GUCY2C: variants seen among roughly 807,000 people sequenced by gnomAD.
GUCY2C encodes the protein guanylate cyclase 2C.
Under a neutral mutation model 131.1 loss-of-function variants are expected in GUCY2C, and 118 were observed. The ratio of observed to expected loss-of-function variants is 0.90; its 90% CI spans 0.78 to 1.05. GUCY2C has a LOEUF of 1.05. GUCY2C is among the 50% of genes least tolerant of loss of function. The pLI is 0.00. For synonymous variants in GUCY2C, 452 were observed against 457.8 expected, an observed-to-expected ratio of 0.99 and a Z score of 0.16; for missense variants, 1,161 against 1,304.4, an observed-to-expected ratio of 0.89 and a Z score of 1.69.
Position 14,688,034 on chromosome 12 carries a change from T to C in GUCY2C, c.247A>G (p.Met83Val), listed in dbSNP as rs1225645156. ...TTATGAATCAGACCATCCGAATACA[T>C]GAAAGTAGCGTTCACAGTCACATTT... ...GLNVTVNATF[M>V]YSDGLIHNSG... The change falls in exon 2 of 27, where the codon ATG becomes GTG. Residue 83 changes from methionine to valine, a missense_variant. By Grantham distance (21) the Met-to-Val change is conservative (BLOSUM62 1). Coordinates refer to ENST00000261170, the MANE Select transcript of GUCY2C (RefSeq NM_004963.4). The C allele has an allele frequency of 1.2e-6, 2 of 1,613,624 alleles. No individual in the cohort carries two copies. Among genetic ancestry groups the C allele is most frequent in the Non-Finnish European group, 1.7e-6 (2 of 1,179,540 alleles).
chr12:14,614,216 C>T (rs1441260801), intron 26 of GUCY2C, among the ~76,000 whole-genome samples: 3 of 152,086 alleles, frequency 2.0e-5, no homozygotes, highest in East Asian at 1.9e-4. Context: ...TGCTTTATTG[C>T]AGGGCAATAT....
At position 14,645,328 on chromosome 12, in the gene GUCY2C, A is replaced by G. The variant is rs765542587; in HGVS notation, c.1711-13T>C. 7.5e-7 allele frequency: 1 copy of G among 1,337,166 alleles called. No individual in the cohort carries two copies. 82.8% of individuals were successfully genotyped at this position (1,337,166 alleles called of 1,614,324 possible). A position where few individuals can be genotyped will look rare whatever the true frequency, so the allele number is the denominator to read the frequency against. ...CATTTAAAACTTCCTGAATAGGAAA[A>G]AAGAAGAAGAAGAAAAGTTGTTGCA... On this transcript the variant is annotated splice_polypyrimidine_tract_variant and intron_variant, in intron 15 of 26. Coordinates refer to ENST00000261170, the MANE Select transcript of GUCY2C (RefSeq NM_004963.4).
At chr12:14,679,861 TA>T in intron 5 of GUCY2C, 108 bp from the exon 6 acceptor site, 4 of 631,492 alleles carry the variant, frequency 6.3e-6, no homozygotes, top group Non-Finnish European at 8.5e-6. Flanking sequence ...TTAAATTTTT[TA>T]AAGATAAACT....
intron 15 of GUCY2C, among the ~76,000 whole-genome samples, chr12:14,648,979 T>C (rs1171972347): frequency 2.6e-4 from 39 of 152,210 alleles, no homozygotes; most frequent in Admixed American, 2.6e-3. Flanking sequence ...TGAAATGAGG[T>C]CTGAGACTTC....
chr12:14,685,423 G>A (rs188600594), intron 3 of GUCY2C, among the ~76,000 whole-genome samples: 1 of 152,284 alleles, frequency 6.6e-6, no homozygotes, highest in East Asian at 1.9e-4. Flanking sequence ...CATTGCAAGT[G>A]ATATTCTGCA....
rs767533091 is a variant in GUCY2C, at chr12:14,628,658, G to A, written c.2237C>T (p.Ala746Val). ...PDFKKIETTLAKIFGLFHDQK... is the reference protein window; with the variant it reads ...PDFKKIETTLVKIFGLFHDQK... ...ATTTCAGCAATACCCAAATATCTTGGCAAGTGTAGTCTCAATTTTTTTGAA... is the reference window on the plus strand; with the variant it reads ...ATTTCAGCAATACCCAAATATCTTGACAAGTGTAGTCTCAATTTTTTTGAA... Residue 746 changes from alanine to valine, a missense_variant, in exon 20 of 27, where the codon GCC (alanine) becomes GTC (valine). By Grantham distance (64) the Ala-to-Val change is moderately conservative (BLOSUM62 0). Coordinates refer to ENST00000261170, the MANE Select transcript of GUCY2C (RefSeq NM_004963.4). 3 of 1,542,508 alleles carry A rather than the reference G, an allele frequency of 1.9e-6. No homozygotes were observed. In the South Asian group the frequency reaches 3.3e-5, roughly 17 times the overall value.
chr12:14,635,409 CAA>C (rs1489334429), intron 19 of GUCY2C, among the ~76,000 whole-genome samples: 1 of 151,994 alleles, frequency 6.6e-6, no homozygotes, highest in Non-Finnish European at 1.5e-5. Context: ...AAAATTAAAA[CAA>C]ATGAAAATTT....
intron 19 of GUCY2C, among the ~76,000 whole-genome samples, chr12:14,632,152 G>A (rs1349755684): frequency 2.6e-5 from 4 of 152,114 alleles, no homozygotes; most frequent in African/African-American, 4.8e-5. Flanking sequence ...AGTAGGTTGC[G>A]AAAATTTTCT....
At chr12:14,638,978 T>C (rs1947336978) in intron 19 of GUCY2C, among the ~76,000 whole-genome samples, 1 of 152,012 alleles carries the variant, frequency 6.6e-6, no homozygotes, top group Admixed American at 6.6e-5. Context: ...CCCACAAATA[T>C]GTACAAATAT....
chr12:14,652,118 G>T, intron 13 of GUCY2C, 88 bp from the exon 14 acceptor site: 1 of 574,220 alleles, frequency 1.7e-6, no homozygotes, highest in South Asian at 3.4e-5. Context: ...TGTCTCACTA[G>T]ACTATAAACT....
chr12:14,613,622 G>A lies in GUCY2C; in HGVS notation c.3048-331C>T, dbSNP rs565863158. On this transcript the variant is annotated intron_variant, in intron 26 of 26. Transcript: ENST00000261170. The surrounding 1 kb of genome is among the most constrained non-coding windows in gnomAD (Gnocchi z 4.9). ...TGCTAGGCCCCTGCCACACAACCCT[G>A]AAAACTCATTGGTCCCACACATACT... is the stretch of plus-strand genomic sequence containing the variant. Among the ~76,000 whole-genome samples the A allele has an allele frequency of 5.3e-5, 8 of 152,232 alleles. No homozygotes were observed. The South Asian group carries it at 1.4e-3, about 28-fold the overall frequency.
At chr12:14,620,393 T>C (rs991608323) in intron 23 of GUCY2C, among the ~76,000 whole-genome samples, 5 of 152,210 alleles carry the variant, frequency 3.3e-5, no homozygotes, top group Non-Finnish European at 5.9e-5. Flanking sequence ...TTTCTGTCTA[T>C]AAACATTGCC....
At chr12:14,623,770 G>A (rs979988499) in intron 21 of GUCY2C, among the ~76,000 whole-genome samples, 1 of 152,074 alleles carries the variant, frequency 6.6e-6, no homozygotes, top group Non-Finnish European at 1.5e-5. Context: ...TTGTTTGAAC[G>A]TGTGTGGCAC....
In GUCY2C at chr12:14,676,921, AC is replaced by A. The variant is rs1336893326; in HGVS notation, c.880del (p.Val294SerfsTer4). 7 of 1,576,628 alleles carry A rather than the reference AC, an allele frequency of 4.4e-6. No homozygotes were observed. Among genetic ancestry groups the A allele is most frequent in the African/African-American group, 1.3e-5 (1 of 74,322 alleles). On this transcript the variant is annotated frameshift_variant, in exon 7 of 27. Coordinates refer to ENST00000261170, the MANE Select transcript of GUCY2C (RefSeq NM_004963.4). LOFTEE classifies it high-confidence loss of function. ...NVTAPDYMKN[V>X]LVLTLSPGNS... ...CCCAGGAGACAGCGTCAGAACAAGGACATTTTTCATATAGTCAGGGGCTGTG... is the reference window on the plus strand; with the variant it reads ...CCCAGGAGACAGCGTCAGAACAAGGAATTTTTCATATAGTCAGGGGCTGTG...
chr12:14,693,760 C>A (rs1195156845), intron 1 of GUCY2C, among the ~76,000 whole-genome samples: 2 of 152,210 alleles, frequency 1.3e-5, no homozygotes, highest in Non-Finnish European at 2.9e-5. Flanking sequence ...TAACAACCTG[C>A]CCACTAATAA....
chr12:14,638,097 TAAC>T (rs1947311132), intron 19 of GUCY2C, among the ~76,000 whole-genome samples: 1 of 152,166 alleles, frequency 6.6e-6, no homozygotes, highest in African/African-American at 2.4e-5. Context: ...TATAAATGGC[TAAC>T]AGGAATATGA....
rs1948063882 is a variant in GUCY2C, at chr12:14,669,715, A to C, written c.1282+7T>G. ...CAGGGAGAGAAAATTCATTAGGGATATCTTACCCCGGCCTGTAATATCATT... is the reference window on the plus strand; with the variant it reads ...CAGGGAGAGAAAATTCATTAGGGATCTCTTACCCCGGCCTGTAATATCATT... On this transcript the variant is annotated splice_region_variant and intron_variant, in intron 10 of 26. Transcript: ENST00000261170. The C allele has an allele frequency of 7.1e-7, 1 of 1,402,516 alleles. No homozygotes were observed. The highest frequency in any genetic ancestry group is 1.0e-6 in the Non-Finnish European group (1 of 998,498). The allele number at this position is 1,402,516 out of a possible 1,614,324, so 86.9% of individuals were successfully genotyped here.
intron 13 of GUCY2C, among the ~76,000 whole-genome samples, chr12:14,652,481 G>A (rs1947683729): frequency 6.6e-6 from 1 of 152,104 alleles, no homozygotes; most frequent in African/African-American, 2.4e-5. Flanking sequence ...AGCCTTGACT[G>A]ATGTTTATAT....
At chr12:14,684,593 C>CCT (rs1948427259) in intron 3 of GUCY2C, among the ~76,000 whole-genome samples, 1 of 1,436 alleles carries the variant, frequency 7.0e-4, no homozygotes, top group African/African-American at 1.1e-3. Context: ...TCCTTCCTTC[C>CCT]TTCCTTCCTT....
Sources: allele counts gnomAD v4.1 joint callset (sites outside exome capture counted in the v4.1 genomes callset), GRCh38; gene constraint gnomAD v4.1.1; non-coding constraint Gnocchi (gnomAD v3.1); transcripts MANE v1.5; gene names NCBI Gene and HGNC (gene_info 2026-07-23, HGNC 2026-07-21).